The following SLC4A4 variants were observed in gnomAD, a reference collection of about 807,000 sequenced individuals.
SLC4A4 encodes solute carrier family 4 member 4.
In SLC4A4, 27 loss-of-function variants were observed where a neutral mutation model predicts 111.5. The ratio of observed to expected loss-of-function variants is 0.24; its 90% CI spans 0.18 to 0.33. The LOEUF (loss-of-function observed/expected upper bound fraction) is 0.33, where lower values mean the gene tolerates loss of function less well. SLC4A4 is among the 10% of genes least tolerant of loss of function. The pLI is 1.00. For synonymous variants in SLC4A4, 443 were observed against 463.4 expected (o/e 0.96, Z 0.57); for missense variants, 909 against 1,315.5 (o/e 0.69, Z 4.78).
chr4:71,359,638 C>G (rs1442338316), intron 6 of SLC4A4, among the ~76,000 whole-genome samples: 2 of 152,056 alleles, frequency 1.3e-5, no homozygotes, highest in Non-Finnish European at 2.9e-5. Flanking sequence ...AATTTCTAAA[C>G]AAACGTTCTT....
chr4:71,290,791 A>G (rs563122435), intron 3 of SLC4A4, among the ~76,000 whole-genome samples: 36 of 152,312 alleles, frequency 2.4e-4, no homozygotes, highest in East Asian at 1.2e-3. Flanking sequence ...TATTGGGCCT[A>G]TTTAGATTCA....
At chr4:71,361,955 T>G (rs912713840) in intron 6 of SLC4A4, among the ~76,000 whole-genome samples, 1 of 152,064 alleles carries the variant, frequency 6.6e-6, no homozygotes, top group African/African-American at 2.4e-5. Flanking sequence ...ATGATCAGAC[T>G]TTTTTTTAAA....
intron 1 of SLC4A4, among the ~76,000 whole-genome samples, chr4:71,213,823 G>T (rs531785514): frequency 9.6e-4 from 146 of 152,312 alleles, no homozygotes; most frequent in African/African-American, 3.4e-3. Flanking sequence ...TGGTAAGAAG[G>T]TGGCCTTCTG....
intron 12 of SLC4A4, among the ~76,000 whole-genome samples, chr4:71,462,703 C>T (rs1726958105): frequency 6.6e-6 from 1 of 152,066 alleles, no homozygotes; most frequent in African/African-American, 2.4e-5. Context: ...GCCGCTATGC[C>T]CGGCTGTCAT....
chr4:71,423,099 A>G (rs1211778569), intron 7 of SLC4A4, among the ~76,000 whole-genome samples: 1 of 152,216 alleles, frequency 6.6e-6, no homozygotes, highest in Admixed American at 6.5e-5. Flanking sequence ...CCATTGTCTC[A>G]GCCCAAAATC....
At chr4:71,378,155 G>C (rs1457877610) in intron 6 of SLC4A4, among the ~76,000 whole-genome samples, 1 of 152,106 alleles carries the variant, frequency 6.6e-6, no homozygotes, top group Non-Finnish European at 1.5e-5. Flanking sequence ...GATTTGGGTG[G>C]GGACACAGCC....
At chr4:71,544,510 A>C (rs954657488) in intron 18 of SLC4A4, among the ~76,000 whole-genome samples, 4 of 152,138 alleles carry the variant, frequency 2.6e-5, no homozygotes, top group Non-Finnish European at 5.9e-5. Flanking sequence ...ACACACAAAT[A>C]GGGAGGAGGG....
chr4:71,308,614 G>T (rs944693568), intron 3 of SLC4A4, among the ~76,000 whole-genome samples: 2 of 152,188 alleles, frequency 1.3e-5, no homozygotes, highest in Admixed American at 1.3e-4. Context: ...CCCAGGAAGT[G>T]CAAGGGGCCG....
At chr4:71,462,232 C>G (rs1238070662) in intron 12 of SLC4A4, among the ~76,000 whole-genome samples, 1 of 151,956 alleles carries the variant, frequency 6.6e-6, no homozygotes, top group African/African-American at 2.4e-5. Context: ...TCATTTTATC[C>G]AAATAATTAT....
intron 1 of SLC4A4, among the ~76,000 whole-genome samples, chr4:71,087,310 T>A (rs1413229926): frequency 1.3e-5 from 2 of 152,030 alleles, no homozygotes; most frequent in African/African-American, 4.8e-5. Flanking sequence ...TCTTTATTAG[T>A]CTTGCTAGCA....
chr4:71,273,678 CTT>C (rs772319559), intron 3 of SLC4A4, among the ~76,000 whole-genome samples: 62 of 134,030 alleles, frequency 4.6e-4, no homozygotes, highest in Admixed American at 6.1e-4. Flanking sequence ...TTCTAGAATT[CTT>C]TTTTTTTTTT....
chr4:71,279,098 TC>T (rs1351447429), intron 3 of SLC4A4, among the ~76,000 whole-genome samples: 2 of 152,332 alleles, frequency 1.3e-5, no homozygotes, highest in East Asian at 3.9e-4. Context: ...ACACTTAAGA[TC>T]TATTCTTTTA....
intron 1 of SLC4A4, among the ~76,000 whole-genome samples, chr4:71,225,306 C>T (rs1050449468): frequency 2.6e-5 from 4 of 151,326 alleles, no homozygotes; most frequent in Non-Finnish European, 5.9e-5. Context: ...GAGCTGAGAT[C>T]GTACCACTGC....
At chr4:71,183,425 C>G (rs1560764222), upstream of SLC4A4, among the ~76,000 whole-genome samples, 2 of 152,152 alleles carry the variant, frequency 1.3e-5, no homozygotes, top group East Asian at 1.9e-4. Flanking sequence ...TAAAAAGGGG[C>G]TACAGGTATT....
At chr4:71,295,847 C>T (rs957252257) in intron 3 of SLC4A4, among the ~76,000 whole-genome samples, 1 of 151,914 alleles carries the variant, frequency 6.6e-6, no homozygotes, top group Non-Finnish European at 1.5e-5. Flanking sequence ...TTAGTAGAGA[C>T]AGGGGTTTCA....
chr4:71,127,891 G>A (rs558170458), intron 2 of SLC4A4, among the ~76,000 whole-genome samples: 2 of 152,320 alleles, frequency 1.3e-5, no homozygotes, highest in African/African-American at 4.8e-5. Context: ...TGAGAGCCAA[G>A]GCGGGAGGAT....
chr4:71,544,776 G>A (rs1014656142), intron 18 of SLC4A4, among the ~76,000 whole-genome samples: 15 of 152,052 alleles, frequency 9.9e-5, no homozygotes, highest in Admixed American at 5.9e-4. Context: ...ATAGTTCTCC[G>A]TAGTACTTAT....
intron 2 of SLC4A4, among the ~76,000 whole-genome samples, chr4:71,101,933 C>T (rs1413796557): frequency 2.6e-5 from 4 of 151,982 alleles, no homozygotes; most frequent in Non-Finnish European, 5.9e-5. Flanking sequence ...ATGACTTTGG[C>T]GAGCTGAGAG....
intron 18 of SLC4A4, among the ~76,000 whole-genome samples, chr4:71,539,293 A>T (rs868627633): frequency 6.6e-6 from 1 of 151,542 alleles, no homozygotes; most frequent in African/African-American, 2.4e-5. Flanking sequence ...TTTTTTTTTT[A>T]AATGCTATTC....
Sources: gnomAD v4.1 joint callset for allele counts (sites outside exome capture counted in the v4.1 genomes callset) on GRCh38, gnomAD v4.1.1 for gene constraint, MANE v1.5 for transcripts, NCBI Gene and HGNC (gene_info 2026-07-23, HGNC 2026-07-21) for gene names.